Variants in ARHGAP5 observed in about 807,000 individuals in gnomAD.
ARHGAP5 encodes the protein rho GTPase-activating protein 5.
ARHGAP5 carries 23 observed loss-of-function variants against 116.6 expected under a neutral mutation model. That is an observed-to-expected ratio of 0.20 (90% confidence interval 0.14 to 0.28). The LOEUF (loss-of-function observed/expected upper bound fraction) is 0.28, where lower values mean the gene tolerates loss of function less well. Ranked by LOEUF, ARHGAP5 falls within the 10% of genes least tolerant of loss-of-function variation. The pLI, the probability that ARHGAP5 is intolerant of heterozygous loss-of-function variation, is 1.00. For missense variants in ARHGAP5, 1,405 were observed against 1,774.8 expected (o/e 0.79, Z 3.74); for synonymous variants, 574 against 602.0 (o/e 0.95, Z 0.68).
Position 32,090,716 on chromosome 14 carries a change from G to A in ARHGAP5, c.47G>A (p.Ser16Asn). 6.2e-7 allele frequency: 1 copy of A among 1,613,348 alleles called. No homozygotes were observed. Among genetic ancestry groups the A allele is most frequent in the Non-Finnish European group, 8.5e-7 (1 of 1,179,492 alleles). The change falls in exon 2 of 7, where the codon AGT becomes AAT. Residue 16 changes from serine to asparagine, a missense_variant. Ser to Asn is a conservative substitution (Grantham distance 46). Around this residue, in one of 6 missense-constraint regions of ARHGAP5, gnomAD observed 190 missense variants for 314.9 expected, o/e 0.60. Transcript: ENST00000345122. The part of the protein sequence containing the change: ...KEPRPPSYTI[S>N]IVGLSGTEKD... ...CCTCGTCCCCCATCCTATACCATCA[G>A]TATAGTTGGACTCTCTGGGACTGAA... is the stretch of plus-strand genomic sequence containing the variant.
At chr14:32,084,672 C>G (rs770539207) in intron 1 of ARHGAP5, among the ~76,000 whole-genome samples, 2 of 152,274 alleles carry the variant, frequency 1.3e-5, no homozygotes, top group South Asian at 4.2e-4. Flanking sequence ...GGTTGGTTCT[C>G]TCTTCATTTG....
At chr14:32,149,812 A>T in intron 4 of ARHGAP5, 90 bp from the exon 5 acceptor site, 1 of 752,272 alleles carries the variant, frequency 1.3e-6, no homozygotes, top group South Asian at 4.1e-5. Flanking sequence ...CAAGACTTAA[A>T]GTTATCTTTT....
chr14:32,122,052 A>G (rs1230559270), intron 3 of ARHGAP5, among the ~76,000 whole-genome samples: 1 of 152,210 alleles, frequency 6.6e-6, no homozygotes, highest in Non-Finnish European at 1.5e-5. Flanking sequence ...TCTTGGGTAT[A>G]TACTTAAGAG....
At chr14:32,131,262 T>C (rs1226227814) in intron 3 of ARHGAP5, among the ~76,000 whole-genome samples, 7 of 151,920 alleles carry the variant, frequency 4.6e-5, no homozygotes, top group African/African-American at 7.2e-5. Context: ...CTTTTTTTTT[T>C]TTTTTTTAGG....
chr14:32,143,221 G>GTTA (rs143167002), intron 3 of ARHGAP5, among the ~76,000 whole-genome samples: 2 of 147,562 alleles, frequency 1.4e-5, no homozygotes, highest in African/African-American at 5.3e-5. Context: ...TGTTGTTGTT[G>GTTA]TTGTTGTTGT....
chr14:32,092,857 G>A lies in ARHGAP5; in HGVS notation c.2188G>A (p.Val730Ile). 1 of 1,614,042 alleles carries A rather than the reference G, an allele frequency of 6.2e-7. No homozygotes were observed. Among genetic ancestry groups the A allele is most frequent in the Non-Finnish European group, 8.5e-7 (1 of 1,179,934 alleles). The change falls in exon 2 of 7, where the codon GTA (valine) becomes ATA (isoleucine). Residue 730 changes from valine (V) to isoleucine (I), a missense_variant. Physicochemically the swap from Val to Ile is conservative, Grantham distance 29. Transcript: ENST00000345122. This position sits in a 1 kb window ranked among gnomAD's most constrained non-coding sequence, Gnocchi z 4.1. ...GGCAAACAAGTTGCAATGTCCTTTTGTAGATGTACCTGCTGGTACATATCC... is the reference window on the plus strand; with the variant it reads ...GGCAAACAAGTTGCAATGTCCTTTTATAGATGTACCTGCTGGTACATATCC... ...QLANKLQCPF[V>I]DVPAGTYPRK... is the part of the protein sequence containing the mutation.
At chr14:32,112,514 G>GA (rs1879363261) in intron 2 of ARHGAP5, among the ~76,000 whole-genome samples, 4 of 152,258 alleles carry the variant, frequency 2.6e-5, no homozygotes, top group South Asian at 4.2e-4. Context: ...TAAGTGGCTA[G>GA]AAAAAAGACG....
chr14:32,154,508 A>G (rs979968199), intron 6 of ARHGAP5, 113 bp from the exon 7 acceptor site: 1 of 971,516 alleles, frequency 1.0e-6, no homozygotes, highest in Non-Finnish European at 1.5e-6. Context: ...TTTAAACCCC[A>G]GGTTTGAAGT....
At chr14:32,095,276 A>G (rs746092214) in intron 2 of ARHGAP5, among the ~76,000 whole-genome samples, 2 of 152,168 alleles carry the variant, frequency 1.3e-5, no homozygotes, top group Non-Finnish European at 2.9e-5. Flanking sequence ...TATTCTAGGT[A>G]ATTTTCCTAA....
intron 3 of ARHGAP5, among the ~76,000 whole-genome samples, chr14:32,140,425 CA>C (rs34679707): frequency 0.15 from 21,251 of 143,000 alleles, 1,831 homozygotes; most frequent in East Asian, 0.27. Context: ...ACTAAAAATA[CA>C]AAAAAAAAAA....
intron 2 of ARHGAP5, among the ~76,000 whole-genome samples, chr14:32,115,663 CA>C (rs60051497): frequency 0.056 from 2,246 of 39,948 alleles, 20 homozygotes; most frequent in African/African-American, 0.13. Context: ...GACTCCGTCT[CA>C]AAAAAAAAAA....
rs765151303 is a variant in ARHGAP5 at position 32,093,071 on chromosome 14, A to G, written c.2402A>G (p.Asp801Gly). 130 of 1,613,966 alleles carry G rather than the reference A, an allele frequency of 8.1e-5. No individual in the cohort carries two copies. The highest frequency in any genetic ancestry group is 7.2e-4 in the South Asian group (66 of 91,068). The change falls in exon 2 of 7, where the codon GAT becomes GGT. Residue 801 changes from aspartate (D) to glycine (G), a missense_variant. This residue lies in a region of ARHGAP5 where 944 missense variants were observed against 1,095.3 expected (regional missense o/e 0.86). Coordinates refer to ENST00000345122, the MANE Select transcript of ARHGAP5 (RefSeq NM_001030055.2). ...SVDLILSPFLDSHSCSAAQAG... is the reference protein window; with the variant it reads ...SVDLILSPFLGSHSCSAAQAG... The stretch of plus-strand genomic sequence containing the variant: ...GATCTTATTCTTTCACCCTTCCTTG[A>G]TTCTCATTCTTGCAGTGCTGCTCAA...
chr14:32,128,447 C>A (rs1880305637), intron 3 of ARHGAP5, among the ~76,000 whole-genome samples: 2 of 152,264 alleles, frequency 1.3e-5, no homozygotes, highest in African/African-American at 4.8e-5. Context: ...CGCCTTGTCA[C>A]CATGAGACCC....
At chr14:32,094,456 A>G in intron 2 of ARHGAP5, 70 bp downstream of exon 2, 1 of 1,196,278 alleles carries the variant, frequency 8.4e-7, no homozygotes, top group Non-Finnish European at 1.2e-6. Context: ...TACTGACATC[A>G]GTGTTAGAAT....
rs776016156 is a variant in ARHGAP5 at position 32,091,939 on chromosome 14, G to A, written c.1270G>A (p.Glu424Lys). Residue 424 changes from glutamate (E) to lysine (K), a missense_variant, in exon 2 of 7, where the codon GAG becomes AAG. This residue lies in a region of ARHGAP5 where 944 missense variants were observed against 1,095.3 expected (regional missense o/e 0.86). Coordinates refer to ENST00000345122, the MANE Select transcript of ARHGAP5 (RefSeq NM_001030055.2). ...YQNHVQHLISEKRRVEMKEKF... is the reference protein window; with the variant it reads ...YQNHVQHLISKKRRVEMKEKF... ...GAACCATGTACAGCATCTGATATCC[G>A]AGAAGAGGAGGGTGGAAATGAAGGA... 8 of 1,613,472 alleles carry A rather than the reference G, an allele frequency of 5.0e-6. No homozygotes were observed. The highest frequency in any genetic ancestry group is 1.3e-5 in the African/African-American group (1 of 74,844).
chr14:32,110,864 G>A lies in ARHGAP5; in HGVS notation c.3718-6276G>A, dbSNP rs540282378. Reference sequence around the variant, plus strand: ...GGTATGAGAGAAAAAGGAGATAGAGGATGACTCCAAGATTTGTATTCCAAG... The same window carrying A: ...GGTATGAGAGAAAAAGGAGATAGAGAATGACTCCAAGATTTGTATTCCAAG... On this transcript the variant is annotated intron_variant, in intron 2 of 6. Coordinates refer to ENST00000345122, the MANE Select transcript of ARHGAP5 (RefSeq NM_001030055.2). Among the ~76,000 whole-genome samples, 14 of 152,236 alleles carry A rather than the reference G, an allele frequency of 9.2e-5. No homozygotes were observed. In the South Asian group the frequency reaches 2.3e-3, roughly 25 times the overall value.
chr14:32,101,621 A>G (rs1313443114), intron 2 of ARHGAP5, among the ~76,000 whole-genome samples: 1 of 150,868 alleles, frequency 6.6e-6, no homozygotes, highest in Non-Finnish European at 1.5e-5. Flanking sequence ...AGAGAACCTG[A>G]TTTAGGTTCT....
Position 32,093,437 on chromosome 14 carries a change from A to C in ARHGAP5, c.2768A>C (p.Gln923Pro). 6.2e-7 allele frequency: 1 copy of C among 1,613,500 alleles called. No individual in the cohort carries two copies. Among genetic ancestry groups the C allele is most frequent in the Non-Finnish European group, 8.5e-7 (1 of 1,179,578 alleles). The stretch of plus-strand genomic sequence containing the variant: ...TTTACAGCACTGTATTCTTTATCTC[A>C]GTATCATCGGCAAACTGAGGTCTTT... ...AKFTALYSLS[Q>P]YHRQTEVFTL... is the part of the protein sequence containing the mutation. Residue 923 changes from glutamine (Q) to proline (P), a missense_variant, in exon 2 of 7, where the codon CAG becomes CCG. Transcript: ENST00000345122.
At chr14:32,146,192 T>C in intron 3 of ARHGAP5, 71 bp from the exon 4 acceptor site, 1 of 1,154,198 alleles carries the variant, frequency 8.7e-7, no homozygotes. Context: ...ATTACAAACA[T>C]GAGCCACTGT....
Sources: gnomAD v4.1 joint callset for allele counts (sites outside exome capture counted in the v4.1 genomes callset) on GRCh38, gnomAD v4.1.1 for gene constraint, gnomAD v4.1.1 regional missense constraint, Gnocchi (gnomAD v3.1) non-coding constraint, MANE v1.5 for transcripts, NCBI Gene and HGNC (gene_info 2026-07-23, HGNC 2026-07-21) for gene names.